Variants in CERT1 observed in about 807,000 individuals in gnomAD.
CERT1 encodes ceramide transporter 1.
A neutral mutation model predicts 87.9 loss-of-function variants in CERT1; 31 were observed. That is an observed-to-expected ratio of 0.35 (90% CI 0.27 to 0.48). CERT1 has a LOEUF of 0.48. Among genes scored for constraint, CERT1 ranks in the 20% least tolerant of loss-of-function variants. CERT1 has a pLI of 0.99. For synonymous variants in CERT1, 289 were observed against 250.9 expected, an observed-to-expected ratio of 1.15 and a Z score of -1.44; for missense variants, 487 against 758.0, an observed-to-expected ratio of 0.64 and a Z score of 4.20.
chr5:75,403,410 A>C (rs563122529), intron 8 of CERT1, among the ~76,000 whole-genome samples: 1 of 152,400 alleles, frequency 6.6e-6, no homozygotes, highest in South Asian at 2.1e-4. Context: ...ATGGCTGGAA[A>C]AAATAAAAGT....
chr5:75,433,539 G>A (rs1420217495), intron 3 of CERT1, among the ~76,000 whole-genome samples: 1 of 152,076 alleles, frequency 6.6e-6, no homozygotes, highest in East Asian at 1.9e-4. Context: ...TTGTTTTATC[G>A]AGATAGGGTC....
At chr5:75,497,867 T>C (rs1048668903) in intron 2 of CERT1, among the ~76,000 whole-genome samples, 4 of 152,054 alleles carry the variant, frequency 2.6e-5, no homozygotes, top group African/African-American at 4.8e-5. Context: ...AACTCTGGAA[T>C]TGGGTAACAG....
chr5:75,451,322 T>C (rs1268229788), intron 3 of CERT1, among the ~76,000 whole-genome samples: 1 of 152,168 alleles, frequency 6.6e-6, no homozygotes, highest in Non-Finnish European at 1.5e-5. Flanking sequence ...TAAAGGTCAG[T>C]TGTGATTCTA....
Position 75,511,549 on chromosome 5 carries a change from G to A in CERT1, c.-342C>T, listed in dbSNP as rs981428149. ...TAGGGAAGGAAAAGGGAAAAGAAGG[G>A]AAGAGAAAATCCGGCCGCTGAGTCC... On this transcript the variant is annotated 5_prime_UTR_variant, in exon 1 of 17. Coordinates refer to ENST00000643780, the MANE Select transcript of CERT1 (RefSeq NM_001379029.1). 16 of 1,459,036 alleles carry A rather than the reference G, an allele frequency of 1.1e-5. No individual in the cohort carries two copies. The highest frequency in any genetic ancestry group is 1.8e-6 in the Non-Finnish European group (2 of 1,108,302). The allele number at this position is 1,459,036 out of a possible 1,614,324, so 90.4% of individuals were successfully genotyped here.
intron 7 of CERT1, among the ~76,000 whole-genome samples, chr5:75,416,522 T>G (rs993070004): frequency 6.6e-6 from 1 of 152,216 alleles, no homozygotes; most frequent in South Asian, 2.1e-4. Flanking sequence ...ACTTTGTAAA[T>G]TGGCATATAA....
intron 2 of CERT1, among the ~76,000 whole-genome samples, chr5:75,480,432 C>T (rs1766181261): frequency 6.6e-6 from 1 of 152,092 alleles, no homozygotes; most frequent in African/African-American, 2.4e-5. Flanking sequence ...TGAAGAAAAC[C>T]TCTAATAATA....
intron 1 of CERT1, among the ~76,000 whole-genome samples, chr5:75,508,008 GT>G (rs960960345): frequency 1.3e-5 from 2 of 151,762 alleles, no homozygotes; most frequent in Non-Finnish European, 2.9e-5. Context: ...AGTATCTTCT[GT>G]TTTTTTCATA....
At chr5:75,381,889 C>T in intron 15 of CERT1, 60 bp downstream of exon 15, 1 of 1,468,060 alleles carries the variant, frequency 6.8e-7, no homozygotes, top group African/African-American at 1.4e-5. Flanking sequence ...CATTTTTGTC[C>T]CGCATTGTGT....
At chr5:75,452,067 T>C (rs1764789894) in intron 3 of CERT1, among the ~76,000 whole-genome samples, 1 of 152,190 alleles carries the variant, frequency 6.6e-6, no homozygotes, top group Non-Finnish European at 1.5e-5. Flanking sequence ...AACAGAAATC[T>C]CTAACCTTCT....
downstream of CERT1, chr5:75,377,105 T>C (rs1046053554): frequency 6.6e-6 from 1 of 152,196 alleles, no homozygotes; most frequent in Admixed American, 6.5e-5. Flanking sequence ...ATAGAATTTA[T>C]AGAAATAGTA....
intron 6 of CERT1, among the ~76,000 whole-genome samples, chr5:75,417,288 T>C (rs1763171424): frequency 6.6e-6 from 1 of 152,154 alleles, no homozygotes; most frequent in African/African-American, 2.4e-5. Flanking sequence ...CTGCACCCAA[T>C]TAATCAAATG....
intron 8 of CERT1, among the ~76,000 whole-genome samples, chr5:75,404,788 C>T (rs1477271582): frequency 6.6e-6 from 1 of 152,020 alleles, no homozygotes; most frequent in Non-Finnish European, 1.5e-5. Context: ...GAGGGGAGAT[C>T]ACATGAGGCC....
At position 75,463,516 on chromosome 5, in the gene CERT1, AT is replaced by A. The variant is rs531480572; in HGVS notation, c.232-4336del. 3.9e-3 allele frequency among the ~76,000 whole-genome samples: 597 copies of A among 152,328 alleles called. 7 individuals carry two copies. The highest frequency in any genetic ancestry group is 0.014 in the African/African-American group (575 of 41,558). On this transcript the variant is annotated intron_variant, in intron 2 of 16. Transcript: ENST00000643780. ...AAAGGTGAATAAATCCATGGCACTT[AT>A]ACCTACTCCCTACCAAAATAACCTT...
At chr5:75,458,910 T>C (rs1765114425) in intron 3 of CERT1, among the ~76,000 whole-genome samples, 155 bp downstream of exon 3, 1 of 152,228 alleles carries the variant, frequency 6.6e-6, no homozygotes, top group African/African-American at 2.4e-5. Flanking sequence ...ATAAAAATTA[T>C]TTCAAAAATT....
At chr5:75,415,638 G>A (rs1364592964) in intron 7 of CERT1, among the ~76,000 whole-genome samples, 1 of 152,010 alleles carries the variant, frequency 6.6e-6, no homozygotes, top group Non-Finnish European at 1.5e-5. Context: ...CCTTAGTGAA[G>A]GAAAAAGAGA....
chr5:75,486,733 T>C (rs1348828738), intron 2 of CERT1, among the ~76,000 whole-genome samples: 1 of 152,012 alleles, frequency 6.6e-6, no homozygotes, highest in Non-Finnish European at 1.5e-5. Context: ...CCATTTATAA[T>C]AGCTAGAAAT....
chr5:75,399,339 A>G lies in CERT1; in HGVS notation c.1159T>C (p.Ser387Pro), dbSNP rs750103657. The G allele has an allele frequency of 6.2e-7, 1 of 1,613,562 alleles. No individual in the cohort carries two copies. Reference sequence around the variant, plus strand: ...GAGCTGAATCTGTGAACATCATCAGAGGCACTGACTAGATCAATGGAAGAC... The same window carrying G: ...GAGCTGAATCTGTGAACATCATCAGGGGCACTGACTAGATCAATGGAAGAC... ...SMSSIDLVSA[S>P]DDVHRFSSQV... The change falls in exon 11 of 17, where the codon TCT (serine) becomes CCT (proline). Residue 387 changes from serine to proline, a missense_variant. Physicochemically the swap from Ser to Pro is moderately conservative, Grantham distance 74. This residue lies in a region of CERT1 where 91 missense variants were observed against 86.7 expected (regional missense o/e 1.05). Coordinates refer to ENST00000643780, the MANE Select transcript of CERT1 (RefSeq NM_001379029.1).
chr5:75,430,214 T>TA (rs1279468790), intron 3 of CERT1, among the ~76,000 whole-genome samples: 2 of 152,214 alleles, frequency 1.3e-5, no homozygotes, highest in Non-Finnish European at 2.9e-5. Context: ...CACTTTTTAA[T>TA]AATGCTTGCT....
chr5:75,464,922 G>T (rs1394672648), intron 2 of CERT1, among the ~76,000 whole-genome samples: 2 of 152,124 alleles, frequency 1.3e-5, no homozygotes, highest in Non-Finnish European at 2.9e-5. Context: ...CTCTGGCGCT[G>T]TAATTTAGGA....
Sources: gnomAD v4.1 joint callset for allele counts (sites outside exome capture counted in the v4.1 genomes callset) on GRCh38, gnomAD v4.1.1 for gene constraint, gnomAD v4.1.1 regional missense constraint, MANE v1.5 for transcripts, NCBI Gene and HGNC (gene_info 2026-07-23, HGNC 2026-07-21) for gene names.